ARHGAP6: variants seen among roughly 807,000 people sequenced by gnomAD.
ARHGAP6 encodes the protein Rho GTPase activating protein 6.
In ARHGAP6, 16 loss-of-function variants were observed where a neutral mutation model predicts 55.7. The observed-to-expected ratio is 0.29, with a 90% CI of 0.19 to 0.44. ARHGAP6 has a LOEUF of 0.44. Ranked by LOEUF, ARHGAP6 falls within the 20% of genes least tolerant of loss-of-function variation. The probability of loss-of-function intolerance (pLI) is 1.00; values close to 1 mark genes in which losing one functional copy is unlikely to be tolerated. For missense variants in ARHGAP6, 698 were observed against 808.9 expected, an observed-to-expected ratio of 0.86 and a Z score of 1.66; for synonymous variants, 382 against 360.9, an observed-to-expected ratio of 1.06 and a Z score of -0.66.
intron 1 of ARHGAP6, among the ~76,000 whole-genome samples, chrX:11,555,336 A>C (rs1182393262): frequency 9.0e-6 from 1 of 111,599 alleles, no homozygotes; most frequent in African/African-American, 3.3e-5. Flanking sequence ...TTAATACGTA[A>C]ATATTGCAAA....
chrX:11,590,910 G>GAAAGAAAGAAAGA lies in ARHGAP6; in HGVS notation c.588+73330_588+73331insTCTTTCTTTCTTT, dbSNP rs1556119234. On this transcript the variant is annotated intron_variant, in intron 1 of 12. Transcript: ENST00000337414. ...AGAAAGAAAGAAAGAAAGAAAGAAA[G>GAAAGAAAGAAAGA]AAAGAAAAGAAAAGAAAAGATAAGT... 1.5e-3 allele frequency among the ~76,000 whole-genome samples: 129 copies of GAAAGAAAGAAAGA among 83,846 alleles called. 20 individuals are homozygous for GAAAGAAAGAAAGA. The highest frequency in any genetic ancestry group is 2.5e-3 in the Non-Finnish European group (108 of 42,833). The allele number at this position is 83,846 out of a possible 115,157, so 72.8% of individuals were successfully genotyped here. A position where few individuals can be genotyped will look rare whatever the true frequency, so the allele number is the denominator to read the frequency against.
At chrX:11,218,214 T>C (rs949755613) in intron 2 of ARHGAP6, among the ~76,000 whole-genome samples, 1 of 112,137 alleles carries the variant, frequency 8.9e-6, no homozygotes, top group African/African-American at 3.2e-5. Flanking sequence ...TGGTTCCATA[T>C]GAAATTCAAA....
intron 4 of ARHGAP6, among the ~76,000 whole-genome samples, chrX:11,187,969 C>T (rs1339848350): frequency 9.0e-6 from 1 of 111,648 alleles, no homozygotes; most frequent in Non-Finnish European, 1.9e-5. Context: ...GAGATTGAAG[C>T]TGCAGTGAGC....
intron 1 of ARHGAP6, among the ~76,000 whole-genome samples, chrX:11,387,823 G>A (rs753675975): frequency 3.9e-3 from 433 of 110,938 alleles, no homozygotes; most frequent in Middle Eastern, 4.6e-3. Context: ...TTGTCCTTGC[G>A]ATAGTTTGCT....
chrX:11,138,986 C>T lies in ARHGAP6; in HGVS notation c.2802G>A (p.Ala934=), dbSNP rs772655551. Residue 934 remains alanine, a synonymous_variant, in exon 13 of 13, where the codon GCG becomes GCA. Coordinates refer to ENST00000337414, the MANE Select transcript of ARHGAP6 (RefSeq NM_013427.3). Reference sequence around the variant, plus strand: ...CCAGGCGCGGACTGTCCTGCTCGCCCGCTGGCAGGGAGTTGGCGCTGCTCA... The same window carrying T: ...CCAGGCGCGGACTGTCCTGCTCGCCTGCTGGCAGGGAGTTGGCGCTGCTCA... ...KKLSSANSLP[A]GEQDSPRLGD... The T allele has an allele frequency of 7.5e-6, 9 of 1,206,597 alleles. No homozygotes were observed. The highest frequency in any genetic ancestry group is 1.0e-5 in the Non-Finnish European group (9 of 893,762).
At chrX:11,575,150 T>C in intron 1 of ARHGAP6, among the ~76,000 whole-genome samples, 1 of 109,964 alleles carries the variant, frequency 9.1e-6, no homozygotes, top group African/African-American at 3.3e-5. Context: ...AAGGCAGGAG[T>C]GATGTGTGTC....
At chrX:11,509,339 G>C (rs1187568443) in intron 1 of ARHGAP6, among the ~76,000 whole-genome samples, 1 of 111,984 alleles carries the variant, frequency 8.9e-6, no homozygotes, top group Non-Finnish European at 1.9e-5. Context: ...GATAGCTAGG[G>C]AGCTGAAAAA....
At chrX:11,500,036 CAG>C (rs2050660807) in intron 1 of ARHGAP6, among the ~76,000 whole-genome samples, 1 of 112,128 alleles carries the variant, frequency 8.9e-6, no homozygotes, top group Non-Finnish European at 1.9e-5. Flanking sequence ...TATTTTCTAA[CAG>C]AGTCTTTAGG....
chrX:11,568,524 C>T (rs761469620), intron 1 of ARHGAP6, among the ~76,000 whole-genome samples: 11 of 111,658 alleles, frequency 9.9e-5, no homozygotes, highest in African/African-American at 1.6e-4. Context: ...ATAATCCCAG[C>T]GGTGGGCAGA....
chrX:11,600,715 T>C (rs914976464), intron 1 of ARHGAP6, among the ~76,000 whole-genome samples: 1 of 112,256 alleles, frequency 8.9e-6, no homozygotes, highest in African/African-American at 3.2e-5. Context: ...TCGCCCAAAG[T>C]GTTCTGGCAG....
intron 1 of ARHGAP6, among the ~76,000 whole-genome samples, chrX:11,485,374 C>T (rs747238753): frequency 8.0e-5 from 9 of 112,072 alleles, no homozygotes; most frequent in African/African-American, 2.9e-4. Flanking sequence ...ATGCAAGGCA[C>T]AAGGTGTTTT....
At chrX:11,153,414 A>G (rs1245445080) in intron 10 of ARHGAP6, among the ~76,000 whole-genome samples, 3 of 106,429 alleles carry the variant, frequency 2.8e-5, no homozygotes, top group Non-Finnish European at 5.8e-5. Context: ...AATCTCAGCT[A>G]CTTGGGAGGC....
At chrX:11,517,966 C>T (rs187961299) in intron 1 of ARHGAP6, among the ~76,000 whole-genome samples, 40 of 110,456 alleles carry the variant, frequency 3.6e-4, no homozygotes, top group African/African-American at 9.9e-4. Flanking sequence ...ACATGTACCC[C>T]GGAATTTAAA....
At chrX:11,186,901 C>T (rs1171312331) in intron 4 of ARHGAP6, among the ~76,000 whole-genome samples, 4 of 111,119 alleles carry the variant, frequency 3.6e-5, no homozygotes, top group African/African-American at 1.3e-4. Context: ...ACACAAAGTG[C>T]TTTATTAGAG....
intron 2 of ARHGAP6, among the ~76,000 whole-genome samples, chrX:11,253,608 A>T (rs2047451111): frequency 8.9e-6 from 1 of 112,308 alleles, no homozygotes; most frequent in African/African-American, 3.2e-5. Context: ...CAAATTAAAA[A>T]GTGCCTTTAT....
At chrX:11,182,758 C>A (rs1413291970) in intron 5 of ARHGAP6, among the ~76,000 whole-genome samples, 1 of 106,474 alleles carries the variant, frequency 9.4e-6, no homozygotes, top group Admixed American at 1.0e-4. Flanking sequence ...ACCTTAGCGT[C>A]CAGGGTAGCT....
At chrX:11,549,924 C>T (rs894103676) in intron 1 of ARHGAP6, among the ~76,000 whole-genome samples, 3 of 112,243 alleles carry the variant, frequency 2.7e-5, no homozygotes, top group African/African-American at 9.7e-5. Flanking sequence ...GTGAAGCACA[C>T]ACCAAGAGGA....
At chrX:11,412,900 T>G (rs767519495) in intron 1 of ARHGAP6, among the ~76,000 whole-genome samples, 18 of 112,626 alleles carry the variant, frequency 1.6e-4, no homozygotes, top group Non-Finnish European at 2.8e-4. Context: ...TGAAGCTAGA[T>G]AAATCCTGTT....
At chrX:11,410,615 TG>T (rs2049668947) in intron 1 of ARHGAP6, among the ~76,000 whole-genome samples, 1 of 112,471 alleles carries the variant, frequency 8.9e-6, no homozygotes, top group Non-Finnish European at 1.9e-5. Context: ...ACACTTTAAA[TG>T]GGTGAATTGT....
Sources: allele counts gnomAD v4.1 joint callset (sites outside exome capture counted in the v4.1 genomes callset), GRCh38; gene constraint gnomAD v4.1.1; transcripts MANE v1.5; gene names NCBI Gene and HGNC (gene_info 2026-07-23, HGNC 2026-07-21).